Variants in CDC42BPA observed in about 807,000 individuals in gnomAD.
The protein encoded by CDC42BPA is CDC42 binding protein kinase alpha.
In CDC42BPA, 80 loss-of-function variants were observed where a neutral mutation model predicts 223.5. The ratio of observed to expected loss-of-function variants is 0.36; its 90% CI spans 0.30 to 0.43. The LOEUF is 0.43. Ranked by LOEUF, CDC42BPA falls within the 20% of genes least tolerant of loss-of-function variation. CDC42BPA has a pLI of 1.00. For synonymous variants in CDC42BPA, 694 were observed against 718.6 expected, an observed-to-expected ratio of 0.97 and a Z score of 0.55; for missense variants, 1,743 against 2,099.9, an observed-to-expected ratio of 0.83 and a Z score of 3.32.
In CDC42BPA at chr1:227,059,189, CA is replaced by C. The variant is rs59693176; in HGVS notation, c.2905-7205del. Among the ~76,000 whole-genome samples the C allele has an allele frequency of 1.0e-4, 15 of 144,336 alleles. No individual in the cohort carries two copies. In the East Asian group the frequency reaches 1.4e-3, roughly 13 times the overall value. 94.7% of individuals were successfully genotyped at this position (144,336 alleles called of 152,430 possible). A position where few individuals can be genotyped will look rare whatever the true frequency, so the allele number is the denominator to read the frequency against. ...ATTCCTAAAGCTTTGCGGCCAAAGCCAAAAAAAAAACATAAACAAAAACATA... is the reference window on the plus strand; with the variant it reads ...ATTCCTAAAGCTTTGCGGCCAAAGCCAAAAAAAAACATAAACAAAAACATA... On this transcript the variant is annotated intron_variant, in intron 21 of 36. Coordinates refer to ENST00000366766, the MANE Select transcript of CDC42BPA (RefSeq NM_001394014.1).
intron 8 of CDC42BPA, among the ~76,000 whole-genome samples, chr1:227,143,648 T>A (rs11809998): frequency 0.068 from 10,371 of 152,180 alleles, 493 homozygotes; most frequent in Non-Finnish European, 0.1. Context: ...AAAAGCTTCA[T>A]TCAGGCACGA....
chr1:227,072,343 G>T, intron 19 of CDC42BPA, 44 bp from the exon 20 acceptor site: 1 of 1,158,822 alleles, frequency 8.6e-7, no homozygotes. Context: ...AATTTTTATT[G>T]CTGGTTAGTG....
intron 21 of CDC42BPA, among the ~76,000 whole-genome samples, chr1:227,062,259 T>C (rs1246239087): frequency 6.6e-6 from 1 of 152,184 alleles, no homozygotes; most frequent in Non-Finnish European, 1.5e-5. Flanking sequence ...CCCCCGCAAG[T>C]TCGCTCTGCC....
At chr1:227,242,353 CAAG>C (rs920617297) in intron 2 of CDC42BPA, among the ~76,000 whole-genome samples, 1 of 151,952 alleles carries the variant, frequency 6.6e-6, no homozygotes, top group Non-Finnish European at 1.5e-5. Context: ...ACAAACCAGA[CAAG>C]GATGATGCCC....
chr1:227,124,986 TAAAC>T (rs1022503022), intron 11 of CDC42BPA, among the ~76,000 whole-genome samples: 3 of 152,228 alleles, frequency 2.0e-5, no homozygotes, highest in African/African-American at 7.2e-5. Flanking sequence ...TGGGACCTGA[TAAAC>T]AACATAACGG....
At chr1:227,013,622 G>A (rs1467208548) in intron 34 of CDC42BPA, among the ~76,000 whole-genome samples, 3 of 152,062 alleles carry the variant, frequency 2.0e-5, no homozygotes, top group African/African-American at 7.2e-5. Flanking sequence ...ACTGTAGTAT[G>A]CGGGCTAGAA....
At chr1:227,014,966 C>CT (rs921036782) in intron 34 of CDC42BPA, among the ~76,000 whole-genome samples, 5 of 152,088 alleles carry the variant, frequency 3.3e-5, no homozygotes, top group Non-Finnish European at 5.9e-5. Flanking sequence ...CAATGTTGTA[C>CT]TTTTTTTTCT....
intron 10 of CDC42BPA, 29 bp downstream of exon 10, chr1:227,139,547 A>C (rs1314557632): frequency 7.0e-7 from 1 of 1,419,542 alleles, no homozygotes; most frequent in Non-Finnish European, 9.4e-7. Flanking sequence ...ACAATTCAAA[A>C]AGTGAAAATA....
intron 29 of CDC42BPA, 71 bp downstream of exon 29, chr1:227,030,337 T>C: frequency 1.1e-6 from 1 of 919,222 alleles, no homozygotes; most frequent in Non-Finnish European, 1.7e-6. Flanking sequence ...CTTTGTAGAA[T>C]TTAGAATCTA....
Position 227,029,074 on chromosome 1 carries a change from C to T in CDC42BPA, c.4015G>A (p.Val1339Ile), listed in dbSNP as rs1929860. The change falls in exon 30 of 37, where the codon GTA (valine) becomes ATA (isoleucine). Residue 1339 changes from valine to isoleucine, a missense_variant. By Grantham distance (29) the Val-to-Ile change is conservative. Around this residue, in one of 6 missense-constraint regions of CDC42BPA, gnomAD observed 678 missense variants for 777.5 expected, o/e 0.87. Coordinates refer to ENST00000366766, the MANE Select transcript of CDC42BPA (RefSeq NM_001394014.1). ...KLSETKGCQT[V>I]TSGKVRHGAL... ...CCATGGCGCACCTTTCCAGAAGTTA[C>T]GGTTTGACACCCTTTAGTTTCTGAC... 0.31 allele frequency: 503,916 copies of T among 1,613,522 alleles called. 80,542 individuals are homozygous for T. The highest frequency in any genetic ancestry group is 0.42 in the East Asian group (18,831 of 44,852).
chr1:227,100,218 C>T (rs1684764057), intron 15 of CDC42BPA, among the ~76,000 whole-genome samples: 1 of 152,132 alleles, frequency 6.6e-6, no homozygotes, highest in African/African-American at 2.4e-5. Flanking sequence ...TCTCCATCTT[C>T]ACTATCACCA....
At chr1:227,229,301 T>C (rs1208319782) in intron 2 of CDC42BPA, among the ~76,000 whole-genome samples, 3 of 152,180 alleles carry the variant, frequency 2.0e-5, no homozygotes, top group African/African-American at 4.8e-5. Flanking sequence ...AGCACCCTTG[T>C]CAAAAACCAA....
intron 1 of CDC42BPA, among the ~76,000 whole-genome samples, chr1:227,315,943 A>T: frequency 7.3e-6 from 1 of 136,904 alleles, no homozygotes; most frequent in South Asian, 2.5e-4. Flanking sequence ...AACTTTGAAT[A>T]AATTTCAAAT....
In CDC42BPA at chr1:227,013,624, G is replaced by A. The variant is rs574820146; in HGVS notation, c.4857+2456C>T. ...CATTCTGTTAAACACTGTAGTATGC[G>A]GGCTAGAATAGAATGTCTACAAACA... is the stretch of plus-strand genomic sequence containing the variant. On this transcript the variant is annotated intron_variant, in intron 34 of 36. Transcript: ENST00000366766. Among the ~76,000 whole-genome samples, 284 of 152,084 alleles carry A rather than the reference G, an allele frequency of 1.9e-3. 1 individual carries two copies. Among genetic ancestry groups the A allele is most frequent in the African/African-American group, 6.5e-3 (270 of 41,538 alleles).
intron 6 of CDC42BPA, among the ~76,000 whole-genome samples, chr1:227,160,287 C>T (rs1363754563): frequency 6.6e-6 from 1 of 152,094 alleles, no homozygotes; most frequent in African/African-American, 2.4e-5. Flanking sequence ...AAAGAAGGAG[C>T]AAACAAGGGT....
At chr1:227,271,394 T>C (rs1188120439) in intron 1 of CDC42BPA, among the ~76,000 whole-genome samples, 1 of 152,140 alleles carries the variant, frequency 6.6e-6, no homozygotes, top group East Asian at 1.9e-4. Flanking sequence ...GGCAAAAATA[T>C]TAATCCACTT....
chr1:227,133,399 C>T (rs1366371357), intron 10 of CDC42BPA, among the ~76,000 whole-genome samples: 17 of 151,884 alleles, frequency 1.1e-4, no homozygotes, highest in African/African-American at 3.9e-4. Context: ...GGCGCTTCTG[C>T]CCGGCCGCCC....
chr1:227,159,418 G>A (rs927008128), intron 6 of CDC42BPA, among the ~76,000 whole-genome samples: 10 of 152,092 alleles, frequency 6.6e-5, no homozygotes, highest in East Asian at 1.9e-4. Flanking sequence ...CTCAGGAGGC[G>A]GAGGTTGCAG....
intron 2 of CDC42BPA, among the ~76,000 whole-genome samples, chr1:227,232,887 C>A (rs886524786): frequency 9.8e-5 from 15 of 152,332 alleles, no homozygotes; most frequent in Admixed American, 2.6e-4. Flanking sequence ...GGCAGTCTGT[C>A]CATTCTCAGA....
Sources: allele counts gnomAD v4.1 joint callset (sites outside exome capture counted in the v4.1 genomes callset), GRCh38; gene constraint gnomAD v4.1.1; regional missense constraint gnomAD v4.1.1; transcripts MANE v1.5; gene names NCBI Gene and HGNC (gene_info 2026-07-23, HGNC 2026-07-21).